Variants in MAPKAPK5 observed in about 807,000 individuals in gnomAD.
The protein encoded by MAPKAPK5 is MAPK activated protein kinase 5.
Under a neutral mutation model 65.1 loss-of-function variants are expected in MAPKAPK5, and 30 were observed. That is an observed-to-expected ratio of 0.46 (90% CI 0.34 to 0.63). The LOEUF is 0.63. MAPKAPK5 is among the 20% of genes least tolerant of loss of function. The probability of loss-of-function intolerance (pLI) is 0.01; values close to 1 mark genes in which losing one functional copy is unlikely to be tolerated. For synonymous variants in MAPKAPK5, 179 were observed against 204.6 expected, an observed-to-expected ratio of 0.87 and a Z score of 1.07; for missense variants, 433 against 581.4, an observed-to-expected ratio of 0.74 and a Z score of 2.63.
At position 111,842,594 on chromosome 12, in the gene MAPKAPK5, C is replaced by T. The variant is rs2068748969; in HGVS notation, c.-140C>T. On this transcript the variant is annotated 5_prime_UTR_variant, in exon 1 of 14. Transcript: ENST00000550735. ...GAGCCGGCGCCGGGGTCCTCATCCC[C>T]ACCGGTCCCGAGGGGCGGCTGCTGC... 1 of 489,066 alleles carries T rather than the reference C, an allele frequency of 2.0e-6. No individual in the cohort carries two copies. Among genetic ancestry groups the T allele is most frequent in the Non-Finnish European group, 3.4e-6 (1 of 295,922 alleles). 30.3% of individuals were successfully genotyped at this position (489,066 alleles called of 1,614,324 possible). A position where few individuals can be genotyped will look rare whatever the true frequency, so the allele number is the denominator to read the frequency against.
chr12:111,887,907 A>T (rs888774010), intron 10 of MAPKAPK5: 1 of 153,200 alleles, frequency 6.5e-6, no homozygotes, highest in Non-Finnish European at 1.5e-5. Context: ...CAAAAATGGG[A>T]TCATATTCCT....
chr12:111,870,927 C>T (rs2069764071), intron 6 of MAPKAPK5, among the ~76,000 whole-genome samples, 158 bp from the exon 7 acceptor site: 1 of 152,162 alleles, frequency 6.6e-6, no homozygotes, highest in African/African-American at 2.4e-5. Context: ...CAGTGTGAAT[C>T]ATTGTCTCCA....
intron 7 of MAPKAPK5, among the ~76,000 whole-genome samples, chr12:111,876,364 G>C (rs1401674507): frequency 6.6e-6 from 1 of 151,826 alleles, no homozygotes; most frequent in Non-Finnish European, 1.5e-5. Flanking sequence ...TAAAACCTGG[G>C]TGATGAAATA....
chr12:111,881,719 C>A (rs1382259613), intron 8 of MAPKAPK5, among the ~76,000 whole-genome samples: 1 of 152,116 alleles, frequency 6.6e-6, no homozygotes, highest in Non-Finnish European at 1.5e-5. Flanking sequence ...CCTATCTGTT[C>A]TAAAGCACAA....
intron 1 of MAPKAPK5, among the ~76,000 whole-genome samples, chr12:111,844,414 A>G (rs898155741): frequency 1.3e-5 from 2 of 152,024 alleles, no homozygotes; most frequent in Non-Finnish European, 2.9e-5. Context: ...GATGGTCTCC[A>G]TCTCCTGACG....
At position 111,866,142 on chromosome 12, in the gene MAPKAPK5, T is replaced by G; in HGVS notation, c.111-14T>G. On this transcript the variant is annotated splice_polypyrimidine_tract_variant and intron_variant, in intron 2 of 13. Transcript: ENST00000550735. ...ATATATGATCTCTGATTGATTTTTTTTCTCCAAATCTAGAGTCTGTGTAAA... is the reference window on the plus strand; with the variant it reads ...ATATATGATCTCTGATTGATTTTTTGTCTCCAAATCTAGAGTCTGTGTAAA... 3 of 1,582,672 alleles carry G rather than the reference T, an allele frequency of 1.9e-6. No individual in the cohort carries two copies. The highest frequency in any genetic ancestry group is 2.6e-6 in the Non-Finnish European group (3 of 1,164,526).
In MAPKAPK5 at chr12:111,880,503, A is replaced by C. The variant is rs766490444; in HGVS notation, c.636A>C (p.Ser212=). Residue 212 remains serine (S), a synonymous_variant, in exon 8 of 14, where the codon TCA becomes TCC. Transcript: ENST00000550735. ...QKEKSGIIPT[S]PTPYTYNKSC... The stretch of plus-strand genomic sequence containing the variant: ...AGAAATCTGGCATCATACCTACCTC[A>C]CCGACGCCCTACACTTACAACAAGG... 266 of 1,612,136 alleles carry C rather than the reference A, an allele frequency of 1.6e-4. No homozygotes were observed. Among genetic ancestry groups the C allele is most frequent in the Non-Finnish European group, 2.1e-4 (251 of 1,179,262 alleles).
chr12:111,885,885 C>T (rs377528551), intron 9 of MAPKAPK5, 31 bp from the exon 10 acceptor site: 105 of 1,613,520 alleles, frequency 6.5e-5, no homozygotes, highest in Non-Finnish European at 8.6e-5. Flanking sequence ...AGCAACTGTG[C>T]ATGGCAGCCC....
At chr12:111,842,924 G>A (rs1430052698) in intron 1 of MAPKAPK5, 155 bp downstream of exon 1, 10 of 628,514 alleles carry the variant, frequency 1.6e-5, no homozygotes, top group Non-Finnish European at 2.4e-5. Context: ...TACAGCCCTG[G>A]GGCCAAGGGT....
chr12:111,871,273 A>G, intron 7 of MAPKAPK5, 93 bp downstream of exon 7: 1 of 969,144 alleles, frequency 1.0e-6, no homozygotes, highest in Admixed American at 2.2e-5. Context: ...GGCATATATT[A>G]CAGATGGGAG....
At chr12:111,853,449 T>C (rs1440373466) in intron 1 of MAPKAPK5, among the ~76,000 whole-genome samples, 1 of 152,180 alleles carries the variant, frequency 6.6e-6, no homozygotes, top group Non-Finnish European at 1.5e-5. Context: ...ATACAGTTGA[T>C]TTCTGTATGT....
intron 1 of MAPKAPK5, among the ~76,000 whole-genome samples, chr12:111,857,748 C>T (rs1736287687): frequency 6.6e-6 from 1 of 152,038 alleles, no homozygotes; most frequent in Non-Finnish European, 1.5e-5. Context: ...TTTTTCAGTA[C>T]TTTCATTATG....
chr12:111,859,159 T>C (rs1021221096), intron 1 of MAPKAPK5, among the ~76,000 whole-genome samples: 2 of 148,292 alleles, frequency 1.3e-5, no homozygotes, highest in African/African-American at 2.5e-5. Flanking sequence ...ATTTAGATAA[T>C]ATAGCAACTC....
rs1181519005 is a variant in MAPKAPK5 at position 111,842,989 on chromosome 12, T to G, written c.36+220T>G. On this transcript the variant is annotated intron_variant, in intron 1 of 13. Coordinates refer to ENST00000550735, the MANE Select transcript of MAPKAPK5 (RefSeq NM_003668.4). Reference sequence around the variant, plus strand: ...CTCCCGCCAGCTTCCCTGGTGAGTGTGATTTGTGCTCAGCTGGAACAGAGG... The same window carrying G: ...CTCCCGCCAGCTTCCCTGGTGAGTGGGATTTGTGCTCAGCTGGAACAGAGG... The G allele has an allele frequency of 1.2e-5, 5 of 407,948 alleles. No homozygotes were observed. In the East Asian group the frequency reaches 1.8e-4, roughly 15 times the overall value. 25.3% of individuals were successfully genotyped at this position (407,948 alleles called of 1,614,324 possible). A position where few individuals can be genotyped will look rare whatever the true frequency, so the allele number is the denominator to read the frequency against.
chr12:111,858,184 C>T (rs774331133), intron 1 of MAPKAPK5, among the ~76,000 whole-genome samples: 3 of 152,108 alleles, frequency 2.0e-5, no homozygotes, highest in Non-Finnish European at 4.4e-5. Flanking sequence ...GGATTACAGG[C>T]GTGAGCAACT....
chr12:111,848,504 CCCGGGTTCA>C (rs2068972694), intron 1 of MAPKAPK5, among the ~76,000 whole-genome samples: 1 of 151,144 alleles, frequency 6.6e-6, no homozygotes, highest in African/African-American at 2.4e-5. Flanking sequence ...ACCACCGTCT[CCCGGGTTCA>C]AGTGATTCTC....
intron 3 of MAPKAPK5, among the ~76,000 whole-genome samples, chr12:111,866,698 C>T (rs1405186608): frequency 6.6e-6 from 1 of 152,182 alleles, no homozygotes; most frequent in Non-Finnish European, 1.5e-5. Flanking sequence ...CAACCTCCGC[C>T]TCCCGGGTTC....
rs1351517270 is a variant in MAPKAPK5 at position 111,900,532 on chromosome 12, A to G, written c.*7471A>G. 4.4e-6 allele frequency: 2 copies of G among 456,022 alleles called. No individual in the cohort carries two copies. The allele number at this position is 456,022 out of a possible 1,614,324, so 28.2% of individuals were successfully genotyped here. ...GAACACAAAGGGGCCTGCCTATTTA[A>G]CAAGCCACGGCCCAGGGGCCGCAAG... is the stretch of plus-strand genomic sequence containing the variant. On this transcript the variant is annotated 3_prime_UTR_variant, in exon 14 of 14. Coordinates refer to ENST00000550735, the MANE Select transcript of MAPKAPK5 (RefSeq NM_003668.4).
intron 1 of MAPKAPK5, among the ~76,000 whole-genome samples, chr12:111,857,295 G>A (rs1042792549): frequency 2.0e-5 from 3 of 150,810 alleles, no homozygotes; most frequent in Non-Finnish European, 4.4e-5. Context: ...AGGCTAGAGT[G>A]CAGTGGTATG....
Sources: allele counts gnomAD v4.1 joint callset (sites outside exome capture counted in the v4.1 genomes callset), GRCh38; gene constraint gnomAD v4.1.1; transcripts MANE v1.5; gene names NCBI Gene and HGNC (gene_info 2026-07-23, HGNC 2026-07-21).